CERS3: variants seen among roughly 807,000 people sequenced by gnomAD.
CERS3 encodes LAG1 homolog, ceramide synthase 3.
Under a neutral mutation model 50.3 loss-of-function variants are expected in CERS3, and 33 were observed. The ratio of observed to expected loss-of-function variants is 0.66; its 90% CI spans 0.50 to 0.88. The LOEUF (loss-of-function observed/expected upper bound fraction) is 0.88. CERS3 is among the 40% of genes least tolerant of loss of function. CERS3 has a pLI of 0.00. For synonymous variants in CERS3, 176 were observed against 155.2 expected, an observed-to-expected ratio of 1.13 and a Z score of -0.99; for missense variants, 470 against 460.3, an observed-to-expected ratio of 1.02 and a Z score of -0.19.
chr15:100,502,251 G>GAAAAAAAAAAAAAAAAAAAAAAAAAAAAA (rs58654483), intron 2 of CERS3, among the ~76,000 whole-genome samples: 1 of 113,698 alleles, frequency 8.8e-6, no homozygotes, highest in Non-Finnish European at 1.7e-5. Context: ...CTCAAAAAAA[G>GAAAAAAAAAAAAAAAAAAAAAAAAAAAAA]AAAAAAAAAA....
chr15:100,520,215 T>TGGC (rs905921957), intron 2 of CERS3, among the ~76,000 whole-genome samples: 46 of 152,240 alleles, frequency 3.0e-4, no homozygotes, highest in African/African-American at 1.0e-3. Flanking sequence ...TAGCATGCAG[T>TGGC]GGCCACACAC....
chr15:100,514,026 A>G (rs1031045709), intron 2 of CERS3, among the ~76,000 whole-genome samples: 7 of 152,200 alleles, frequency 4.6e-5, no homozygotes, highest in African/African-American at 1.7e-4. Flanking sequence ...ACAGCGGTCA[A>G]GCACATGGAC....
intron 11 of CERS3, among the ~76,000 whole-genome samples, chr15:100,443,861 GT>G (rs949251482): frequency 1.3e-5 from 2 of 152,078 alleles, no homozygotes; most frequent in African/African-American, 4.8e-5. Context: ...TAGATACCTG[GT>G]TTTGCCATCC....
intron 3 of CERS3, among the ~76,000 whole-genome samples, chr15:100,494,253 A>ATATATG (rs2035743073): frequency 6.4e-5 from 1 of 15,640 alleles, no homozygotes; most frequent in South Asian, 1.9e-3. Flanking sequence ...ATATATATAT[A>ATATATG]TATATTTGTT....
intron 1 of CERS3, among the ~76,000 whole-genome samples, chr15:100,536,878 G>A (rs918190410): frequency 6.6e-6 from 1 of 152,208 alleles, no homozygotes; most frequent in Non-Finnish European, 1.5e-5. Flanking sequence ...TAATATCTGG[G>A]CTGTTGATAA....
chr15:100,541,293 G>A (rs1294415173), intron 1 of CERS3, among the ~76,000 whole-genome samples: 3 of 152,280 alleles, frequency 2.0e-5, no homozygotes, highest in East Asian at 3.9e-4. Context: ...CCAACATGGC[G>A]AAACCCTGTC....
At chr15:100,535,707 ATGTGAAGTGGGGATATCCCTATGCT>A (rs2037055795) in intron 1 of CERS3, among the ~76,000 whole-genome samples, 1 of 126,846 alleles carries the variant, frequency 7.9e-6, no homozygotes, top group Non-Finnish European at 1.7e-5. Flanking sequence ...CCATATGTGC[ATGTGAAGTGGGGATATCCCTATGCT>A]CATATGTGCA....
chr15:100,533,810 G>A (rs369058941), upstream of CERS3, among the ~76,000 whole-genome samples: 11 of 151,952 alleles, frequency 7.2e-5, no homozygotes, highest in African/African-American at 2.4e-4. Flanking sequence ...CACCTGCCTC[G>A]GCCTCCCAAA....
At chr15:100,412,096 C>T (rs1224966103) in intron 11 of CERS3, among the ~76,000 whole-genome samples, 1 of 152,082 alleles carries the variant, frequency 6.6e-6, no homozygotes, top group Non-Finnish European at 1.5e-5. Flanking sequence ...TCTTTTGATG[C>T]CCCAAAGTTT....
chr15:100,537,120 C>A (rs1567691863), intron 1 of CERS3, among the ~76,000 whole-genome samples: 1 of 152,162 alleles, frequency 6.6e-6, no homozygotes, highest in African/African-American at 2.4e-5. Context: ...ACTTGGGAAA[C>A]CTAGGACACT....
intron 1 of CERS3, among the ~76,000 whole-genome samples, chr15:100,534,367 G>T (rs2037020389): frequency 6.6e-6 from 1 of 152,116 alleles, no homozygotes. Flanking sequence ...TTACAGAGTT[G>T]TAAAAACATT....
chr15:100,486,260 T>C (rs896182068), intron 4 of CERS3, among the ~76,000 whole-genome samples: 1 of 152,206 alleles, frequency 6.6e-6, no homozygotes, highest in Non-Finnish European at 1.5e-5. Context: ...TTATCTTACA[T>C]GTTCCCTTGC....
chr15:100,472,693 T>C (rs554502181), intron 9 of CERS3, among the ~76,000 whole-genome samples: 2 of 152,120 alleles, frequency 1.3e-5, no homozygotes, highest in African/African-American at 2.4e-5. Context: ...CCTTCAGGAG[T>C]GGAATCCCAC....
chr15:100,456,331 A>T (rs1380245593), intron 10 of CERS3, among the ~76,000 whole-genome samples: 2 of 152,180 alleles, frequency 1.3e-5, no homozygotes, highest in African/African-American at 4.8e-5. Context: ...CCTTTTTTCA[A>T]ACAAAAGCAT....
At chr15:100,509,967 CAT>C (rs1201508239) in intron 2 of CERS3, among the ~76,000 whole-genome samples, 1 of 150,220 alleles carries the variant, frequency 6.7e-6, no homozygotes, top group East Asian at 1.9e-4. Flanking sequence ...GTCGGGTAAA[CAT>C]GTTTATCTAC....
intron 11 of CERS3, among the ~76,000 whole-genome samples, chr15:100,414,831 A>AAAAAAAAC (rs1254565851): frequency 3.0e-4 from 45 of 150,738 alleles, no homozygotes; most frequent in African/African-American, 1.0e-3. Context: ...AAAAAAAAAA[A>AAAAAAAAC]CCCTGGAAGA....
chr15:100,495,973 GT>G (rs1470281801), intron 3 of CERS3, among the ~76,000 whole-genome samples: 2 of 152,016 alleles, frequency 1.3e-5, no homozygotes, highest in African/African-American at 4.8e-5. Flanking sequence ...TCTATTTTCT[GT>G]TTTTCTAGTT....
intron 11 of CERS3, among the ~76,000 whole-genome samples, chr15:100,447,360 C>T (rs1455992949): frequency 6.6e-6 from 1 of 152,164 alleles, no homozygotes; most frequent in African/African-American, 2.4e-5. Flanking sequence ...CTGAAAGCCC[C>T]CTACTTCCAG....
chr15:100,483,748 T>C (rs1030203742), intron 5 of CERS3, among the ~76,000 whole-genome samples: 7 of 149,400 alleles, frequency 4.7e-5, no homozygotes, highest in Non-Finnish European at 1.0e-4. Context: ...TCTCACATCA[T>C]TGGCAGAAGG....
Sources: allele counts gnomAD v4.1 joint callset (sites outside exome capture counted in the v4.1 genomes callset), GRCh38; gene constraint gnomAD v4.1.1; transcripts MANE v1.5; gene names NCBI Gene and HGNC (gene_info 2026-07-23, HGNC 2026-07-21).